Variants in COL6A2 observed in about 807,000 individuals in gnomAD.
COL6A2 encodes the protein collagen alpha-2(VI) chain.
Under a neutral mutation model 124.9 loss-of-function variants are expected in COL6A2, and 90 were observed. The observed-to-expected ratio is 0.72, with a 90% CI of 0.61 to 0.86. The LOEUF is 0.86. COL6A2 is among the 40% of genes least tolerant of loss of function. The probability of loss-of-function intolerance (pLI) is 0.00; values close to 1 mark genes in which losing one functional copy is unlikely to be tolerated. For missense variants in COL6A2, 1,607 were observed against 1,502.5 expected, an observed-to-expected ratio of 1.07 and a Z score of -1.15; for synonymous variants, 793 against 618.2, an observed-to-expected ratio of 1.28 and a Z score of -4.19.
intron 21 of COL6A2, 98 bp from the exon 22 acceptor site, chr21:46,124,553 A>C (rs2078629633): frequency 9.0e-7 from 1 of 1,113,346 alleles, no homozygotes; most frequent in Non-Finnish European, 1.4e-6. Context: ...CCCCCCGCCA[A>C]GGGAGGACCC....
In COL6A2 at chr21:46,099,961, A is replaced by G. The variant is rs145817892; in HGVS notation, c.-28+1788A>G. 7.9e-3 allele frequency among the ~76,000 whole-genome samples: 926 copies of G among 117,890 alleles called. 10 individuals are homozygous for G. The highest frequency in any genetic ancestry group is 0.029 in the African/African-American group (890 of 30,624). 77.3% of individuals were successfully genotyped at this position (117,890 alleles called of 152,430 possible). A position where few individuals can be genotyped will look rare whatever the true frequency, so the allele number is the denominator to read the frequency against. On this transcript the variant is annotated intron_variant, in intron 1 of 27. Transcript: ENST00000300527. ...TGCCTTGTTGGGGGGTTTGTTCTGC[A>G]TGTCTTTGGTTTTTGTGCAGTACAA...
At chr21:46,119,252 C>T in intron 14 of COL6A2, 133 bp downstream of exon 14, 1 of 751,238 alleles carries the variant, frequency 1.3e-6, no homozygotes, top group Non-Finnish European at 2.3e-6. Flanking sequence ...AGGCCCCCAT[C>T]CTCCCAAGAA....
At chr21:46,128,774 G>A (rs540146977) in intron 27 of COL6A2, 61 of 816,784 alleles carry the variant, frequency 7.5e-5, no homozygotes, top group Non-Finnish European at 1.3e-4. Flanking sequence ...TCACATCCCA[G>A]AGAGGCTGAG....
chr21:46,105,247 A>G (rs1490671724), intron 1 of COL6A2, among the ~76,000 whole-genome samples: 1 of 152,148 alleles, frequency 6.6e-6, no homozygotes, highest in East Asian at 1.9e-4. Context: ...TCGACCAAGC[A>G]TGGTGGTGCA....
chr21:46,105,984 G>C (rs1029629281), intron 1 of COL6A2, among the ~76,000 whole-genome samples: 2 of 152,182 alleles, frequency 1.3e-5, no homozygotes, highest in Non-Finnish European at 2.9e-5. Flanking sequence ...CTCTCTACAA[G>C]AGATGCACTT....
chr21:46,099,889 CTTTT>C lies in COL6A2; in HGVS notation c.-28+1736_-28+1739del, dbSNP rs869028897. ...TCTCCACAATGGATAGCAGCACTGT[CTTTT>C]TTTTTTTTTTTTTTTTTTTCTCATT... is the stretch of plus-strand genomic sequence containing the variant. On this transcript the variant is annotated intron_variant, in intron 1 of 27. Coordinates refer to ENST00000300527, the MANE Select transcript of COL6A2 (RefSeq NM_001849.4). Among the ~76,000 whole-genome samples, 27 of 91,844 alleles carry C rather than the reference CTTTT, an allele frequency of 2.9e-4. 1 individual carries two copies. Among genetic ancestry groups the C allele is most frequent in the Non-Finnish European group, 4.6e-4 (22 of 47,666 alleles). The allele number at this position is 91,844 out of a possible 152,430, so 60.3% of individuals were successfully genotyped here.
rs1464005104 is a variant in COL6A2, at chr21:46,114,037, TG to T, written c.768del (p.Ser258LeufsTer150). ...CYKVSCLEIPGPSGPKGYRGQ... is the reference protein window; with the variant it reads ...CYKVSCLEIPXPSGPKGYRGQ... Reference sequence around the variant, plus strand: ...ACAAGGTGAGCTGCCTGGAAATCCCTGGGCCCTCTGGCCCCAAGGGCTACCG... The same window carrying T: ...ACAAGGTGAGCTGCCTGGAAATCCCTGGCCCTCTGGCCCCAAGGGCTACCG... On this transcript the variant is annotated frameshift_variant, in exon 5 of 28. Transcript: ENST00000300527. LOFTEE classifies it high-confidence loss of function. 1 of 1,613,832 alleles carries T rather than the reference TG, an allele frequency of 6.2e-7. No homozygotes were observed. Among genetic ancestry groups the T allele is most frequent in the Non-Finnish European group, 8.5e-7 (1 of 1,179,978 alleles).
At position 46,113,795 on chromosome 21, in the gene COL6A2, G is replaced by A. The variant is rs536108686; in HGVS notation, c.736-213G>A. The A allele has an allele frequency of 3.2e-4, 200 of 629,076 alleles. 1 individual carries two copies. The highest frequency in any genetic ancestry group is 6.3e-4 in the African/African-American group (35 of 55,132). The allele number at this position is 629,076 out of a possible 1,614,324, so 39.0% of individuals were successfully genotyped here. A position where few individuals can be genotyped will look rare whatever the true frequency, so the allele number is the denominator to read the frequency against. ...TTAAACTTGCCTAGAACACCTGACC[G>A]AGAGCCAAACTCTTTGGCTTGTCCC... is the stretch of plus-strand genomic sequence containing the variant. On this transcript the variant is annotated intron_variant, in intron 4 of 27. Transcript: ENST00000300527.
Position 46,117,267 on chromosome 21 carries a change from G to A in COL6A2, c.1000-133G>A, listed in dbSNP as rs553212755. ...AGCTCCACAGCAGCCGTGGCCTCAT[G>A]TGGGCACCCGTGTGCCAGGAGGAGA... On this transcript the variant is annotated intron_variant, in intron 10 of 27. Transcript: ENST00000300527. 37 of 892,908 alleles carry A rather than the reference G, an allele frequency of 4.1e-5. No homozygotes were observed. The South Asian group carries it at 4.8e-4, about 11-fold the overall frequency. 55.3% of individuals were successfully genotyped at this position (892,908 alleles called of 1,614,324 possible).
At chr21:46,127,365 T>C (rs1029729234) in intron 27 of COL6A2, among the ~76,000 whole-genome samples, 3 of 151,958 alleles carry the variant, frequency 2.0e-5, no homozygotes, top group Non-Finnish European at 4.4e-5. Context: ...TCCCGGTGGG[T>C]GAGCTGGGCC....
intron 5 of COL6A2, among the ~76,000 whole-genome samples, chr21:46,115,409 T>C (rs909771543): frequency 1.3e-5 from 2 of 152,244 alleles, no homozygotes; most frequent in Admixed American, 6.5e-5. Flanking sequence ...TAAAGTTCTG[T>C]ATCATAGGTT....
chr21:46,121,545 C>T lies in COL6A2; in HGVS notation c.1459-11C>T, dbSNP rs753058808. Reference sequence around the variant, plus strand: ...CCTGTGCTGACTTCTGAATTTCTCTCCTGCCCTCAGGGATCTCGGGGAGAC... The same window carrying T: ...CCTGTGCTGACTTCTGAATTTCTCTTCTGCCCTCAGGGATCTCGGGGAGAC... On this transcript the variant is annotated splice_polypyrimidine_tract_variant and intron_variant, in intron 17 of 27. Coordinates refer to ENST00000300527, the MANE Select transcript of COL6A2 (RefSeq NM_001849.4). The T allele has an allele frequency of 5.0e-6, 8 of 1,612,716 alleles. No homozygotes were observed. The highest frequency in any genetic ancestry group is 5.1e-6 in the Non-Finnish European group (6 of 1,179,852).
rs566013074 is a variant in COL6A2, at chr21:46,128,314, C to A, written c.2461+1773C>A. Among the ~76,000 whole-genome samples, 3 of 152,366 alleles carry A rather than the reference C, an allele frequency of 2.0e-5. No homozygotes were observed. The East Asian group carries it at 5.8e-4, about 29-fold the overall frequency. On this transcript the variant is annotated intron_variant, in intron 27 of 27. Coordinates refer to ENST00000300527, the MANE Select transcript of COL6A2 (RefSeq NM_001849.4). The stretch of plus-strand genomic sequence containing the variant: ...CCTCTCGGCCGCCCTGACACCTCAT[C>A]CCCGACACTCAGAGCTCATCCTCCT...
rs59060956 is a variant in COL6A2 at position 46,116,926 on chromosome 21, TACACACACACACAC to T, written c.999+129_999+142del. ...CAGCTTACACATGTGTACACACGCATACACACACACACACACACACACACACACACGAACTTCAG... is the reference window on the plus strand; with the variant it reads ...CAGCTTACACATGTGTACACACGCATACACACACACACACACGAACTTCAG... On this transcript the variant is annotated intron_variant, in intron 10 of 27. Transcript: ENST00000300527. This position sits in a 1 kb window ranked among gnomAD's most constrained non-coding sequence, Gnocchi z 4.6. 95 of 639,336 alleles carry T rather than the reference TACACACACACACAC, an allele frequency of 1.5e-4. No homozygotes were observed. Among genetic ancestry groups the T allele is most frequent in the South Asian group, 2.2e-4 (12 of 54,998 alleles). 39.6% of individuals were successfully genotyped at this position (639,336 alleles called of 1,614,324 possible). A position where few individuals can be genotyped will look rare whatever the true frequency, so the allele number is the denominator to read the frequency against.
chr21:46,111,414 C>A, intron 1 of COL6A2, 36 bp from the exon 2 acceptor site: 8 of 1,276,696 alleles, frequency 6.3e-6, no homozygotes, highest in Non-Finnish European at 9.1e-6. Flanking sequence ...GGGAGAGGCA[C>A]TGGGGGTGTC....
chr21:46,125,142 G>C, intron 23 of COL6A2, 124 bp from the exon 24 acceptor site: 2 of 1,089,734 alleles, frequency 1.8e-6, no homozygotes, highest in Non-Finnish European at 2.8e-6. Flanking sequence ...GGACCCGCCA[G>C]CCTCCCCGCA....
At chr21:46,113,398 A>T (rs2078431032) in intron 4 of COL6A2, among the ~76,000 whole-genome samples, 1 of 151,724 alleles carries the variant, frequency 6.6e-6, no homozygotes, top group Non-Finnish European at 1.5e-5. Flanking sequence ...TTTTTTAGAG[A>T]CAGGGTCTTT....
At chr21:46,112,773 C>T (rs368716946) in intron 3 of COL6A2, 31 bp from the exon 4 acceptor site, 48 of 1,613,738 alleles carry the variant, frequency 3.0e-5, no homozygotes, top group African/African-American at 2.1e-4. Context: ...TCGAGGCACA[C>T]GGCTAACCAG....
At position 46,132,282 on chromosome 21, in the gene COL6A2, CAGCCCGCGTGGCGGGGCCCGGA is replaced by C; in HGVS notation, c.2791_2812del (p.Ser931GlyfsTer102). 2 of 1,606,858 alleles carry C rather than the reference CAGCCCGCGTGGCGGGGCCCGGA, an allele frequency of 1.2e-6. No individual in the cohort carries two copies. Among genetic ancestry groups the C allele is most frequent in the Non-Finnish European group, 1.7e-6 (2 of 1,179,196 alleles). On this transcript the variant is annotated frameshift_variant, in exon 28 of 28. Transcript: ENST00000300527. LOFTEE classifies it high-confidence loss of function. ...TGCACGCCATCAATGCCATCGTGCG[CAGCCCGCGTGGCGGGGCCCGGA>C]GGCACGCAGAGCTGTCCTTCGTGTT...
Sources: gnomAD v4.1 joint callset for allele counts (sites outside exome capture counted in the v4.1 genomes callset) on GRCh38, gnomAD v4.1.1 for gene constraint, Gnocchi (gnomAD v3.1) non-coding constraint, MANE v1.5 for transcripts, NCBI Gene and HGNC (gene_info 2026-07-23, HGNC 2026-07-21) for gene names.